Variants in PLXNA4 observed in about 807,000 individuals in gnomAD.
PLXNA4 encodes plexin A4, also known as plexin-A4.
Under a neutral mutation model 191.8 loss-of-function variants are expected in PLXNA4, and 44 were observed. The ratio of observed to expected loss-of-function variants is 0.23; its 90% confidence interval spans 0.18 to 0.29. The LOEUF is 0.29. Among genes scored for constraint, PLXNA4 ranks in the 10% least tolerant of loss-of-function variants. The probability of loss-of-function intolerance (pLI) is 1.00; values close to 1 mark genes in which losing one functional copy is unlikely to be tolerated. For missense variants in PLXNA4, 1,800 were observed against 2,488.8 expected (o/e 0.72, Z 5.89); for synonymous variants, 1,082 against 1,009.5 (o/e 1.07, Z -1.36).
chr7:132,515,125 G>A (rs1394507962), intron 1 of PLXNA4, among the ~76,000 whole-genome samples: 1 of 151,960 alleles, frequency 6.6e-6, no homozygotes, highest in Admixed American at 6.6e-5. Flanking sequence ...GGATACTAGG[G>A]GAGAAAGTTC....
intron 3 of PLXNA4, among the ~76,000 whole-genome samples, chr7:132,444,304 G>A (rs1321311238): frequency 6.6e-6 from 1 of 152,188 alleles, no homozygotes; most frequent in African/African-American, 2.4e-5. Context: ...TCCCAGGCTG[G>A]AGCGCAATGG....
chr7:132,573,650 C>CAGG (rs1199522007), intron 1 of PLXNA4, among the ~76,000 whole-genome samples: 1 of 152,064 alleles, frequency 6.6e-6, no homozygotes, highest in Non-Finnish European at 1.5e-5. Context: ...CAGGAAGGCA[C>CAGG]AGAGAAGGAG....
At chr7:132,272,878 TTCTCCATGTTACC>T (rs1218910326) in intron 4 of PLXNA4, among the ~76,000 whole-genome samples, 2 of 152,176 alleles carry the variant, frequency 1.3e-5, no homozygotes, top group East Asian at 3.9e-4. Context: ...TCATCGCTCG[TTCTCCATGTTACC>T]TCTCCATAAT....
intron 3 of PLXNA4, among the ~76,000 whole-genome samples, chr7:132,337,035 C>T (rs1188993869): frequency 2.6e-5 from 4 of 152,242 alleles, no homozygotes; most frequent in African/African-American, 7.2e-5. Flanking sequence ...ATCCACTTTG[C>T]TGTTGTAATA....
intron 3 of PLXNA4, among the ~76,000 whole-genome samples, chr7:132,392,605 C>T (rs1421412421): frequency 6.6e-6 from 1 of 152,234 alleles, no homozygotes; most frequent in Non-Finnish European, 1.5e-5. Context: ...ACTGTCTGGC[C>T]TCAGTGCTCT....
chr7:132,195,448 C>T lies in PLXNA4; in HGVS notation c.2739-1269G>A, dbSNP rs74987706. ...ACCAACTGACACACACATCCTTAGGCATTGTATAGTAGGATAGATTTCTAA... is the reference window on the plus strand; with the variant it reads ...ACCAACTGACACACACATCCTTAGGTATTGTATAGTAGGATAGATTTCTAA... On this transcript the variant is annotated intron_variant, in intron 13 of 31. Transcript: ENST00000321063. Among the ~76,000 whole-genome samples the T allele has an allele frequency of 3.9e-5, 6 of 152,322 alleles. No homozygotes were observed. In the East Asian group the frequency reaches 1.2e-3, roughly 29 times the overall value.
rs1432741883 is a variant in PLXNA4, at chr7:132,193,971, G to A, written c.2856+91C>T. ...GTTGCAGGGCAGGCCCTTGCCCTGG[G>A]TTTGCTCACAGAGCTCTAGAGGGGC... On this transcript the variant is annotated intron_variant, in intron 14 of 31. Coordinates refer to ENST00000321063, the MANE Select transcript of PLXNA4 (RefSeq NM_020911.2). 2.7e-6 allele frequency: 4 copies of A among 1,502,022 alleles called. No individual in the cohort carries two copies. In the South Asian group the frequency reaches 4.0e-5, roughly 15 times the overall value. 93.0% of individuals were successfully genotyped at this position (1,502,022 alleles called of 1,614,324 possible).
chr7:132,377,630 G>T (rs1804713706), intron 3 of PLXNA4, among the ~76,000 whole-genome samples: 1 of 152,044 alleles, frequency 6.6e-6, no homozygotes, highest in Non-Finnish European at 1.5e-5. Context: ...GTCCACAGGA[G>T]CCCCTCTCCC....
At chr7:132,494,561 C>T (rs1797930185) in intron 2 of PLXNA4, among the ~76,000 whole-genome samples, 1 of 152,190 alleles carries the variant, frequency 6.6e-6, no homozygotes, top group Admixed American at 6.5e-5. Flanking sequence ...CTCACAGCAG[C>T]CTCCCCAGGG....
intron 25 of PLXNA4, among the ~76,000 whole-genome samples, chr7:132,154,209 A>G (rs760089590): frequency 5.3e-5 from 8 of 152,108 alleles, no homozygotes; most frequent in Non-Finnish European, 1.0e-4. Flanking sequence ...ACAAGATTCT[A>G]TGGCTCTGCA....
intron 3 of PLXNA4, among the ~76,000 whole-genome samples, chr7:132,311,307 A>G (rs548312901): frequency 6.6e-6 from 1 of 152,148 alleles, no homozygotes; most frequent in South Asian, 2.1e-4. Context: ...GTCTCCCGGT[A>G]TGATTCGGTG....
intron 3 of PLXNA4, among the ~76,000 whole-genome samples, chr7:132,451,554 A>G (rs1231448235): frequency 2.0e-5 from 3 of 152,230 alleles, no homozygotes; most frequent in Non-Finnish European, 4.4e-5. Flanking sequence ...GCCTGCACTG[A>G]TGTCCAGCAA....
chr7:132,556,099 A>G (rs1190196558), intron 1 of PLXNA4, among the ~76,000 whole-genome samples: 1 of 152,228 alleles, frequency 6.6e-6, no homozygotes, highest in Non-Finnish European at 1.5e-5. Context: ...TGAAACCTGC[A>G]ACCACATTGC....
chr7:132,133,687 T>A (rs6965681), intron 30 of PLXNA4, among the ~76,000 whole-genome samples: 3 of 152,016 alleles, frequency 2.0e-5, no homozygotes, highest in Non-Finnish European at 4.4e-5. Flanking sequence ...GAGAGACTGG[T>A]AGAAGGCAAT....
intron 3 of PLXNA4, among the ~76,000 whole-genome samples, chr7:132,357,858 C>T (rs1803774877): frequency 6.6e-6 from 1 of 152,224 alleles, no homozygotes; most frequent in African/African-American, 2.4e-5. Flanking sequence ...ACTCCACAGG[C>T]AACTCTAGTA....
intron 10 of PLXNA4, among the ~76,000 whole-genome samples, chr7:132,205,492 T>C (rs1012570801): frequency 2.5e-4 from 38 of 152,076 alleles, no homozygotes; most frequent in Admixed American, 2.4e-3. Context: ...CTTCCTTGTG[T>C]GTGTTTGTGT....
chr7:132,350,013 C>T (rs776411272), intron 3 of PLXNA4, among the ~76,000 whole-genome samples: 2 of 152,110 alleles, frequency 1.3e-5, no homozygotes, highest in Non-Finnish European at 2.9e-5. Context: ...TGCTGCAGCC[C>T]TCCCCTTTGT....
chr7:132,191,772 A>ATCTCTCTC (rs145828587), intron 14 of PLXNA4, among the ~76,000 whole-genome samples: 2,633 of 142,638 alleles, frequency 0.018, 100 homozygotes, highest in African/African-American at 0.059. Context: ...TCCTCTCTCC[A>ATCTCTCTC]TCTCTCTCTC....
intron 2 of PLXNA4, among the ~76,000 whole-genome samples, chr7:132,626,422 T>C (rs1400960948): frequency 6.6e-6 from 1 of 152,142 alleles, no homozygotes; most frequent in Admixed American, 6.5e-5. Flanking sequence ...TAATCCCCAG[T>C]ATTGGAGGTT....
Sources: gnomAD v4.1 joint callset for allele counts (sites outside exome capture counted in the v4.1 genomes callset) on GRCh38, gnomAD v4.1.1 for gene constraint, MANE v1.5 for transcripts, NCBI Gene and HGNC (gene_info 2026-07-23, HGNC 2026-07-21) for gene names.